The following ZC3H12B variants were observed in gnomAD, a reference collection of about 807,000 sequenced individuals.
ZC3H12B encodes the protein zinc finger CCCH-type containing 12B.
Under a neutral mutation model 43.9 loss-of-function variants are expected in ZC3H12B, and 7 were observed. The observed-to-expected ratio is 0.16, with a 90% CI of 0.09 to 0.30. ZC3H12B has a LOEUF of 0.30. Among genes scored for constraint, ZC3H12B ranks in the 10% least tolerant of loss-of-function variants. The pLI is 1.00. For missense variants in ZC3H12B, 475 were observed against 670.2 expected (o/e 0.71, Z 3.22); for synonymous variants, 222 against 241.7 (o/e 0.92, Z 0.76).
chrX:65,198,726 G>A, the ZC3H12B span, among the ~76,000 whole-genome samples: 1 of 111,575 alleles, frequency 9.0e-6, no homozygotes, highest in African/African-American at 3.3e-5. Context: ...CTGGAACTTG[G>A]ATATTGATTT....
chrX:65,175,017 T>G, the ZC3H12B span, among the ~76,000 whole-genome samples: 1 of 112,101 alleles, frequency 8.9e-6, no homozygotes, highest in African/African-American at 3.2e-5. Context: ...CCCAGGCCCC[T>G]TCAGTGTAGG....
At chrX:65,300,997 A>T in the ZC3H12B span, among the ~76,000 whole-genome samples, 22 of 110,957 alleles carry the variant, frequency 2.0e-4, no homozygotes, top group Admixed American at 1.9e-3. Context: ...AAAAAAAAAA[A>T]AATACCATCA....
At chrX:65,381,500 A>G (rs1377701050) in intron 2 of ZC3H12B, among the ~76,000 whole-genome samples, 5 of 111,697 alleles carry the variant, frequency 4.5e-5, no homozygotes, top group African/African-American at 9.8e-5. Context: ...AAGAGAAAGC[A>G]GGAAAGATCC....
At chrX:65,501,705 G>T in intron 4 of ZC3H12B, 84 bp from the exon 10 acceptor site, 1 of 974,997 alleles carries the variant, frequency 1.0e-6, no homozygotes, top group South Asian at 2.6e-5. Flanking sequence ...ACCCTAACCT[G>T]AGTGACCAGA....
the ZC3H12B span, among the ~76,000 whole-genome samples, chrX:65,100,294 C>G: frequency 9.1e-6 from 1 of 109,684 alleles, no homozygotes; most frequent in East Asian, 2.9e-4. Flanking sequence ...AGAATGGAAC[C>G]AAGTTGTTAA....
intron 2 of ZC3H12B, among the ~76,000 whole-genome samples, chrX:65,372,362 G>T (rs756368871): frequency 5.4e-5 from 6 of 111,328 alleles, no homozygotes; most frequent in Non-Finnish European, 9.4e-5. Flanking sequence ...ATTCAACTGT[G>T]TTGGGGAAGC....
At chrX:65,205,000 G>A in the ZC3H12B span, among the ~76,000 whole-genome samples, 2 of 111,487 alleles carry the variant, frequency 1.8e-5, no homozygotes, top group Admixed American at 9.6e-5. Flanking sequence ...TATTCTTCCA[G>A]CCTTGGAACT....
intron 3 of ZC3H12B, among the ~76,000 whole-genome samples, chrX:65,419,443 G>A (rs147631701): frequency 5.8e-4 from 65 of 112,129 alleles, no homozygotes; most frequent in African/African-American, 2.0e-3. Context: ...TTCAGTGATT[G>A]TTCTTTTGAA....
At chrX:65,255,612 C>G in the ZC3H12B span, among the ~76,000 whole-genome samples, 11 of 112,202 alleles carry the variant, frequency 9.8e-5, no homozygotes, top group Non-Finnish European at 1.5e-4. Flanking sequence ...ACCATTAACA[C>G]TATAAAGCAA....
intron 3 of ZC3H12B, among the ~76,000 whole-genome samples, chrX:65,424,013 A>G (rs1351731755): frequency 8.9e-6 from 1 of 111,956 alleles, no homozygotes; most frequent in East Asian, 2.8e-4. Flanking sequence ...TCTTTTCTGC[A>G]TCTATTGAGA....
chrX:65,197,001 G>A, the ZC3H12B span, among the ~76,000 whole-genome samples: 1 of 112,091 alleles, frequency 8.9e-6, no homozygotes, highest in African/African-American at 3.2e-5. Context: ...CCAAAGCCAA[G>A]GCAGAGCAAG....
At chrX:65,379,544 G>A (rs182709583) in intron 2 of ZC3H12B, among the ~76,000 whole-genome samples, 1 of 112,264 alleles carries the variant, frequency 8.9e-6, no homozygotes, top group African/African-American at 3.2e-5. Flanking sequence ...CTAAAAAGCA[G>A]AGCGCCTCTC....
the ZC3H12B span, among the ~76,000 whole-genome samples, chrX:65,188,616 T>G: frequency 1.8e-3 from 199 of 110,879 alleles, 6 homozygotes; most frequent in East Asian, 0.035. Flanking sequence ...GCATGTCTTC[T>G]TGTGAGAAAT....
intron 3 of ZC3H12B, among the ~76,000 whole-genome samples, chrX:65,448,340 C>G (rs758742386): frequency 8.9e-6 from 1 of 112,014 alleles, no homozygotes; most frequent in Non-Finnish European, 1.9e-5. Flanking sequence ...ATGGAAATGT[C>G]TTAAATAATT....
At chrX:65,347,551 A>G in the ZC3H12B span, among the ~76,000 whole-genome samples, 1 of 112,132 alleles carries the variant, frequency 8.9e-6, no homozygotes, top group Non-Finnish European at 1.9e-5. Context: ...ATCTCACACC[A>G]GTTAGAATGG....
chrX:65,356,647 T>A, the ZC3H12B span, among the ~76,000 whole-genome samples: 2 of 112,132 alleles, frequency 1.8e-5, no homozygotes, highest in South Asian at 7.3e-4. Flanking sequence ...TATTCATATA[T>A]GTTATTTTGT....
intron 1 of ZC3H12B, among the ~76,000 whole-genome samples, 167 bp from the exon 7 acceptor site, chrX:65,496,955 AAAAAAAAAAG>A (rs982725200): frequency 9.1e-6 from 1 of 110,138 alleles, no homozygotes; most frequent in African/African-American, 3.3e-5. Flanking sequence ...GACCAAAAAA[AAAAAAAAAAG>A]AAAAAAAAGA....
the ZC3H12B span, among the ~76,000 whole-genome samples, chrX:65,225,460 C>A: frequency 2.7e-5 from 3 of 112,258 alleles, no homozygotes; most frequent in African/African-American, 6.5e-5. Context: ...CTCTAAAAAG[C>A]AGAGCGTCTC....
At chrX:65,160,205 G>T in the ZC3H12B span, among the ~76,000 whole-genome samples, 1 of 111,878 alleles carries the variant, frequency 8.9e-6, no homozygotes, top group Admixed American at 9.5e-5. Flanking sequence ...GTTCATCAAG[G>T]ATATTGGTCC....
Sources: allele counts gnomAD v4.1 joint callset (sites outside exome capture counted in the v4.1 genomes callset), GRCh38; gene constraint gnomAD v4.1.1; transcripts MANE v1.5; gene names NCBI Gene and HGNC (gene_info 2026-07-23, HGNC 2026-07-21).